Variants in VOPP1 observed in about 807,000 individuals in gnomAD.
VOPP1 encodes the protein VOPP1 WW domain binding protein.
VOPP1 carries 8 observed loss-of-function variants against 23.5 expected under a neutral mutation model. The ratio of observed to expected loss-of-function variants is 0.34; its 90% CI spans 0.20 to 0.61. VOPP1 has a LOEUF of 0.61. Among genes scored for constraint, VOPP1 ranks in the 20% least tolerant of loss-of-function variants. VOPP1 has a pLI of 0.78. For missense variants in VOPP1, 174 were observed against 238.1 expected (o/e 0.73, Z 1.77); for synonymous variants, 83 against 97.3 (o/e 0.85, Z 0.86).
At chr7:55,521,036 C>T (rs373899437) in intron 2 of VOPP1, 36 bp downstream of exon 2, 60 of 1,551,176 alleles carry the variant, frequency 3.9e-5, no homozygotes, top group Admixed American at 1.4e-4. Context: ...AAGGTATGGC[C>T]ACAGAATGAA....
intron 1 of VOPP1, among the ~76,000 whole-genome samples, chr7:55,570,840 G>A (rs1188211528): frequency 6.6e-6 from 1 of 152,074 alleles, no homozygotes; most frequent in African/African-American, 2.4e-5. Flanking sequence ...TACTGGGGAG[G>A]CTGAAGCAGG....
At chr7:55,552,021 CAAAAAAAA>C (rs202229227) in intron 1 of VOPP1, among the ~76,000 whole-genome samples, 7 of 55,796 alleles carry the variant, frequency 1.3e-4, no homozygotes, top group African/African-American at 2.5e-4. Context: ...AGACTGTGTC[CAAAAAAAA>C]AAAAAAAAAA....
At chr7:55,521,690 G>A (rs1487860796) in intron 1 of VOPP1, 24 of 987,142 alleles carry the variant, frequency 2.4e-5, no homozygotes, top group Non-Finnish European at 2.8e-5. Flanking sequence ...TTCCAGGTAA[G>A]TCCAGCTCCT....
chr7:55,446,486 A>G (rs1205797173), intron 4 of VOPP1, among the ~76,000 whole-genome samples: 6 of 152,208 alleles, frequency 3.9e-5, no homozygotes, highest in Non-Finnish European at 4.4e-5. Context: ...TGGATGCTAC[A>G]TCCTGTGATG....
At chr7:55,516,741 T>C (rs1795435769) in intron 2 of VOPP1, among the ~76,000 whole-genome samples, 1 of 151,990 alleles carries the variant, frequency 6.6e-6, no homozygotes, top group Non-Finnish European at 1.5e-5. Context: ...TTGAAATATA[T>C]TTTCTGCAGG....
intron 4 of VOPP1, among the ~76,000 whole-genome samples, chr7:55,476,187 C>T (rs1400273544): frequency 6.6e-6 from 1 of 152,222 alleles, no homozygotes; most frequent in Non-Finnish European, 1.5e-5. Context: ...TGTCTCTGGA[C>T]AATGCTGGAG....
chr7:55,564,762 G>GC (rs1391229485), intron 1 of VOPP1, among the ~76,000 whole-genome samples: 1 of 152,098 alleles, frequency 6.6e-6, no homozygotes, highest in Non-Finnish European at 1.5e-5. Flanking sequence ...TCCACCCTGG[G>GC]CCACAAGTTC....
chr7:55,462,656 T>TATA (rs1491220127), intron 4 of VOPP1, among the ~76,000 whole-genome samples: 4 of 61,338 alleles, frequency 6.5e-5, no homozygotes, highest in African/African-American at 2.2e-4. Context: ...CTTGATTATA[T>TATA]TTTTTTTTTT....
rs547080300 is a variant in VOPP1, at chr7:55,442,666, A to C, written n.418-6492T>G. 9.6e-3 allele frequency among the ~76,000 whole-genome samples: 1,455 copies of C among 152,058 alleles called. 19 individuals are homozygous for C. The highest frequency in any genetic ancestry group is 0.032 in the African/African-American group (1,319 of 41,432). The stretch of plus-strand genomic sequence containing the variant: ...TTGAAGTAGACCAAAAAAAAAAAAA[A>C]ACCTAAATCTGATCAAGGTTCTCTA... On this transcript the variant is annotated intron_variant and non_coding_transcript_variant, in intron 4 of 4. Transcript: ENST00000462326.
At position 55,501,132 on chromosome 7, in the gene VOPP1, TG is replaced by T; in HGVS notation, c.114-3443del. The stretch of plus-strand genomic sequence containing the variant: ...TGCTTGCATGGTTCTTTGTTCAGCT[TG>T]GAACTGCATACTGACCAGAAAGATT... On this transcript the variant is annotated intron_variant, in intron 2 of 4. Transcript: ENST00000285279. Among the ~76,000 whole-genome samples, 3 of 152,360 alleles carry T rather than the reference TG, an allele frequency of 2.0e-5. No homozygotes were observed. In the East Asian group the frequency reaches 5.8e-4, roughly 29 times the overall value.
At chr7:55,517,118 T>A (rs944469951) in intron 2 of VOPP1, among the ~76,000 whole-genome samples, 37 of 149,660 alleles carry the variant, frequency 2.5e-4, no homozygotes, top group African/African-American at 7.3e-4. Context: ...ATATATATAT[T>A]TTTTTATTTT....
chr7:55,513,771 T>C (rs758336532), intron 2 of VOPP1, among the ~76,000 whole-genome samples: 5 of 152,236 alleles, frequency 3.3e-5, no homozygotes, highest in Non-Finnish European at 7.3e-5. Flanking sequence ...TCTTTTCCTC[T>C]TCCCAGCTCT....
At chr7:55,553,759 ACACACACACACAC>A (rs1471376708) in intron 1 of VOPP1, 1 of 368 alleles carries the variant, frequency 2.7e-3, no homozygotes. Context: ...TGCACTCTAC[ACACACACACACAC>A]ACACACACAC....
intron 1 of VOPP1, among the ~76,000 whole-genome samples, chr7:55,540,492 G>C (rs770466853): frequency 6.6e-6 from 1 of 152,202 alleles, no homozygotes; most frequent in Non-Finnish European, 1.5e-5. Flanking sequence ...GCCCCAGACT[G>C]TCTGCTGAGG....
intron 1 of VOPP1, among the ~76,000 whole-genome samples, chr7:55,535,193 G>A (rs1796713543): frequency 6.6e-6 from 1 of 152,188 alleles, no homozygotes; most frequent in Non-Finnish European, 1.5e-5. Context: ...AGGAAAGGAG[G>A]GCACACAGCA....
At chr7:55,447,282 G>A (rs954065047) in intron 4 of VOPP1, among the ~76,000 whole-genome samples, 1 of 152,184 alleles carries the variant, frequency 6.6e-6, no homozygotes, top group African/African-American at 2.4e-5. Context: ...TCGGATTGGG[G>A]AACTGATGCT....
chr7:55,480,085 A>G (rs775709745), intron 4 of VOPP1, among the ~76,000 whole-genome samples: 1 of 152,222 alleles, frequency 6.6e-6, no homozygotes, highest in African/African-American at 2.4e-5. Flanking sequence ...ATGATTCGAT[A>G]TAATTTTATT....
chr7:55,464,811 T>G (rs1791592996), intron 4 of VOPP1, among the ~76,000 whole-genome samples: 1 of 152,140 alleles, frequency 6.6e-6, no homozygotes, highest in Non-Finnish European at 1.5e-5. Flanking sequence ...GCAGGTGTCT[T>G]GATCTTGGGG....
At chr7:55,441,747 G>A (rs962745679) in intron 4 of VOPP1, among the ~76,000 whole-genome samples, 1 of 152,072 alleles carries the variant, frequency 6.6e-6, no homozygotes, top group African/African-American at 2.4e-5. Flanking sequence ...GGTTCTTTCT[G>A]CCAGACCTGC....
Sources: gnomAD v4.1 joint callset for allele counts (sites outside exome capture counted in the v4.1 genomes callset) on GRCh38, gnomAD v4.1.1 for gene constraint, MANE v1.5 for transcripts, NCBI Gene and HGNC (gene_info 2026-07-23, HGNC 2026-07-21) for gene names.